KAT6B: variants seen among roughly 807,000 people sequenced by gnomAD.
The protein encoded by KAT6B is lysine acetyltransferase 6B, also known as histone acetyltransferase KAT6B.
A neutral mutation model predicts 187.5 loss-of-function variants in KAT6B; 10 were observed. The observed-to-expected ratio is 0.05, with a 90% CI of 0.03 to 0.09. The LOEUF (loss-of-function observed/expected upper bound fraction) is 0.09. KAT6B is among the 10% of genes least tolerant of loss of function. The pLI is 1.00. For missense variants in KAT6B, 1,952 were observed against 2,558.9 expected (o/e 0.76, Z 5.12); for synonymous variants, 861 against 926.8 (o/e 0.93, Z 1.29).
intron 13 of KAT6B, among the ~76,000 whole-genome samples, chr10:75,009,631 C>T (rs543379368): frequency 1.7e-4 from 26 of 152,244 alleles, no homozygotes; most frequent in East Asian, 1.4e-3. Flanking sequence ...CTGCTGGTGA[C>T]GATACTGCAT....
chr10:74,917,754 A>C (rs989797814), intron 3 of KAT6B, among the ~76,000 whole-genome samples: 1 of 152,236 alleles, frequency 6.6e-6, no homozygotes, highest in African/African-American at 2.4e-5. Context: ...TCTGGGTCTT[A>C]AAGAATGGGG....
In KAT6B at chr10:74,930,006, A is replaced by G. The variant is rs546896178; in HGVS notation, c.622-29964A>G. On this transcript the variant is annotated intron_variant, in intron 3 of 17. Coordinates refer to ENST00000287239, the MANE Select transcript of KAT6B (RefSeq NM_012330.4). ...ATAATCTCGGCTCACCTCAACCTCT[A>G]CCTCCTGGGTTCAAGCGATTCTCCT... Among the ~76,000 whole-genome samples the G allele has an allele frequency of 1.8e-4, 26 of 147,620 alleles. No homozygotes were observed. The South Asian group carries it at 5.1e-3, about 29-fold the overall frequency.
intron 3 of KAT6B, among the ~76,000 whole-genome samples, chr10:74,863,348 C>T (rs1843324974): frequency 6.6e-6 from 1 of 152,140 alleles, no homozygotes; most frequent in Non-Finnish European, 1.5e-5. Flanking sequence ...TAAATAGCTG[C>T]ATAGTATTTA....
chr10:74,984,163 G>C (rs951244655), intron 11 of KAT6B: 7 of 152,126 alleles, frequency 4.6e-5, no homozygotes, highest in Non-Finnish European at 5.9e-5. Flanking sequence ...GTGTTGCTAT[G>C]TATGGGACCT....
intron 8 of KAT6B, 79 bp downstream of exon 8, chr10:74,976,409 A>G: frequency 1.7e-6 from 2 of 1,154,446 alleles, no homozygotes; most frequent in Non-Finnish European, 2.6e-6. Flanking sequence ...CAACCAATCA[A>G]TTCCTATTTG....
At chr10:74,865,961 T>C (rs79653156) in intron 3 of KAT6B, among the ~76,000 whole-genome samples, 4,940 of 152,254 alleles carry the variant, frequency 0.032, 169 homozygotes, top group East Asian at 0.12. Flanking sequence ...CTGATTTTTT[T>C]CAACCAAATC....
chr10:74,883,239 C>T (rs10824242), intron 3 of KAT6B, among the ~76,000 whole-genome samples: 45,383 of 152,052 alleles, frequency 0.3, 12,211 homozygotes, highest in African/African-American at 0.71. Flanking sequence ...GAGCCTAGTA[C>T]GGTTCTGCTT....
chr10:74,883,484 C>G (rs1234330581), intron 3 of KAT6B, among the ~76,000 whole-genome samples: 2 of 152,142 alleles, frequency 1.3e-5, no homozygotes, highest in African/African-American at 4.8e-5. Flanking sequence ...TCCTGTTCCC[C>G]TCTGGCAGTA....
intron 3 of KAT6B, among the ~76,000 whole-genome samples, chr10:74,872,616 G>A (rs575842433): frequency 2.0e-5 from 3 of 152,032 alleles, no homozygotes. Context: ...AAGCTCAAGC[G>A]ATCCTCCCAC....
At chr10:74,934,291 C>T (rs867005521) in intron 3 of KAT6B, among the ~76,000 whole-genome samples, 6 of 151,726 alleles carry the variant, frequency 4.0e-5, no homozygotes, top group African/African-American at 1.5e-4. Flanking sequence ...AGTTTTCTGC[C>T]TTGGCAATTT....
intron 1 of KAT6B, among the ~76,000 whole-genome samples, chr10:74,834,466 G>A (rs565454742): frequency 1.3e-4 from 20 of 152,266 alleles, no homozygotes; most frequent in Admixed American, 6.5e-5. Context: ...AAAGTGCTAG[G>A]ATTACAGGTG....
intron 16 of KAT6B, among the ~76,000 whole-genome samples, chr10:75,024,720 G>A (rs1845683588): frequency 6.6e-6 from 1 of 152,188 alleles, no homozygotes; most frequent in African/African-American, 2.4e-5. Context: ...CTGCTAGGAT[G>A]TTCCCTCTCA....
At position 75,020,690 on chromosome 10, in the gene KAT6B, A is replaced by G; in HGVS notation, c.2738A>G (p.Tyr913Cys). The stretch of plus-strand genomic sequence containing the variant: ...TATTGGAAGAGCGTCATCTTGGAGT[A>G]TCTCTACCACCACCATGAGAGGCAC... ...LAYWKSVILE[Y>C]LYHHHERHIS... The change falls in exon 14 of 18, where the codon TAT becomes TGT. Residue 913 changes from tyrosine (Y) to cysteine (C), a missense_variant. This residue lies in a region of KAT6B where 758 missense variants were observed against 891.4 expected (regional missense o/e 0.85). Transcript: ENST00000287239. 4 of 1,614,188 alleles carry G rather than the reference A, an allele frequency of 2.5e-6. No individual in the cohort carries two copies. Among genetic ancestry groups the G allele is most frequent in the Non-Finnish European group, 3.4e-6 (4 of 1,180,020 alleles).
chr10:74,920,009 G>T lies in KAT6B; in HGVS notation c.622-39961G>T, dbSNP rs150283792. On this transcript the variant is annotated intron_variant, in intron 3 of 17. Transcript: ENST00000287239. Reference sequence around the variant, plus strand: ...ATCTTTACCTGTATTTTCAATATCTGAAGTTCCTGTGGGTCTTCTTCTGTA... The same window carrying T: ...ATCTTTACCTGTATTTTCAATATCTTAAGTTCCTGTGGGTCTTCTTCTGTA... 1.4e-3 allele frequency among the ~76,000 whole-genome samples: 210 copies of T among 152,226 alleles called. 1 individual carries two copies. Among genetic ancestry groups the T allele is most frequent in the African/African-American group, 4.4e-3 (183 of 41,530 alleles).
intron 13 of KAT6B, among the ~76,000 whole-genome samples, chr10:75,004,616 G>A (rs1844076787): frequency 6.6e-6 from 1 of 152,202 alleles, no homozygotes; most frequent in Non-Finnish European, 1.5e-5. Flanking sequence ...TCAAATTTCA[G>A]AGAGGCTGTG....
chr10:75,015,947 C>A (rs1003912338), intron 13 of KAT6B, among the ~76,000 whole-genome samples: 1 of 152,132 alleles, frequency 6.6e-6, no homozygotes, highest in African/African-American at 2.4e-5. Context: ...CTGCCCCTGT[C>A]GGGGGAGATC....
At chr10:74,886,214 T>C (rs965297426) in intron 3 of KAT6B, among the ~76,000 whole-genome samples, 5 of 152,146 alleles carry the variant, frequency 3.3e-5, no homozygotes, top group Admixed American at 1.3e-4. Flanking sequence ...CAAGATTAAT[T>C]TTGTCTGAGA....
In KAT6B at chr10:75,029,411, G is replaced by C. The variant is rs765058663; in HGVS notation, c.4587G>C (p.Glu1529Asp). 6.2e-7 allele frequency: 1 copy of C among 1,614,138 alleles called. No homozygotes were observed. Among genetic ancestry groups the C allele is most frequent in the East Asian group, 2.2e-5 (1 of 44,878 alleles). The change falls in exon 18 of 18, where the codon GAG (glutamate) becomes GAC (aspartate). Residue 1529 changes from glutamate (E) to aspartate (D), a missense_variant. By Grantham distance (45) the Glu-to-Asp change is conservative. This residue lies in a region of KAT6B where 758 missense variants were observed against 891.4 expected (regional missense o/e 0.85). Coordinates refer to ENST00000287239, the MANE Select transcript of KAT6B (RefSeq NM_012330.4). The surrounding 1 kb of genome is among the most constrained non-coding windows in gnomAD (Gnocchi z 6.2). ...NSKEVDTEFKEGNPATMEIDS... is the reference protein window; with the variant it reads ...NSKEVDTEFKDGNPATMEIDS... ...AGGAAGTCGATACAGAGTTCAAAGA[G>C]GGAAACCCAGCAACCATGGAAATCG... is the stretch of plus-strand genomic sequence containing the variant.
chr10:74,862,572 G>A (rs1843257838), intron 3 of KAT6B, among the ~76,000 whole-genome samples: 1 of 152,162 alleles, frequency 6.6e-6, no homozygotes, highest in Non-Finnish European at 1.5e-5. Context: ...TTTAATAGAT[G>A]AACAAGTAGG....
Sources: allele counts gnomAD v4.1 joint callset (sites outside exome capture counted in the v4.1 genomes callset), GRCh38; gene constraint gnomAD v4.1.1; regional missense constraint gnomAD v4.1.1; non-coding constraint Gnocchi (gnomAD v3.1); transcripts MANE v1.5; gene names NCBI Gene and HGNC (gene_info 2026-07-23, HGNC 2026-07-21).